Variants in CAMK2D observed in about 807,000 individuals in gnomAD.
The protein encoded by CAMK2D is calcium/calmodulin-dependent protein kinase type II subunit delta.
A neutral mutation model predicts 84.0 loss-of-function variants in CAMK2D; 37 were observed. The ratio of observed to expected loss-of-function variants is 0.44; its 90% CI spans 0.34 to 0.58. The LOEUF (loss-of-function observed/expected upper bound fraction) is 0.58. Among genes scored for constraint, CAMK2D ranks in the 20% least tolerant of loss-of-function variants. The probability of loss-of-function intolerance (pLI) is 0.02; values close to 1 mark genes in which losing one functional copy is unlikely to be tolerated. For missense variants in CAMK2D, 448 were observed against 652.5 expected (o/e 0.69, Z 3.41); for synonymous variants, 202 against 212.5 (o/e 0.95, Z 0.43).
chr4:113,736,362 C>A (rs2107171), intron 2 of CAMK2D, among the ~76,000 whole-genome samples: 11 of 151,902 alleles, frequency 7.2e-5, no homozygotes, highest in Non-Finnish European at 1.6e-4. Context: ...AACTAGTTAA[C>A]CCCAGAAATC....
intron 16 of CAMK2D, among the ~76,000 whole-genome samples, chr4:113,494,826 G>C (rs56131184): frequency 6.6e-6 from 1 of 152,216 alleles, no homozygotes; most frequent in African/African-American, 2.4e-5. Flanking sequence ...AGCCAGGTGC[G>C]GGATATAATC....
intron 16 of CAMK2D, among the ~76,000 whole-genome samples, chr4:113,497,255 C>T (rs1459165881): frequency 6.6e-6 from 1 of 152,020 alleles, no homozygotes; most frequent in African/African-American, 2.4e-5. Context: ...AGCATTTTGA[C>T]TCTGGTGCAT....
At chr4:113,651,924 T>A (rs2099174728) in intron 3 of CAMK2D, among the ~76,000 whole-genome samples, 1 of 152,172 alleles carries the variant, frequency 6.6e-6, no homozygotes, top group African/African-American at 2.4e-5. Context: ...ATACCTATAT[T>A]TTCCATAAGC....
At position 113,761,125 on chromosome 4, in the gene CAMK2D, C is replaced by T. The variant is rs2099640568; in HGVS notation, c.-57G>A. 1 of 1,611,134 alleles carries T rather than the reference C, an allele frequency of 6.2e-7. No homozygotes were observed. Among genetic ancestry groups the T allele is most frequent in the Non-Finnish European group, 8.5e-7 (1 of 1,179,820 alleles). ...GCGACGGACCAGAAGCGAGCAGACGCGCGGCTAACCCCGGGACTGGCCCCG... is the reference window on the plus strand; with the variant it reads ...GCGACGGACCAGAAGCGAGCAGACGTGCGGCTAACCCCGGGACTGGCCCCG... On this transcript the variant is annotated 5_prime_UTR_variant, in exon 1 of 21. Transcript: ENST00000511664.
At chr4:113,533,897 G>T (rs2098473294) in intron 7 of CAMK2D, among the ~76,000 whole-genome samples, 1 of 150,630 alleles carries the variant, frequency 6.6e-6, no homozygotes, top group Non-Finnish European at 1.5e-5. Context: ...CTTGAAAAAT[G>T]ATAATTAAAA....
At chr4:113,569,895 C>T (rs1022814273) in intron 4 of CAMK2D, among the ~76,000 whole-genome samples, 33 of 151,728 alleles carry the variant, frequency 2.2e-4, no homozygotes, top group African/African-American at 1.5e-4. Flanking sequence ...TGAATATAAT[C>T]GAGATGATTA....
intron 6 of CAMK2D, among the ~76,000 whole-genome samples, chr4:113,545,531 A>G (rs2098559466): frequency 6.6e-6 from 1 of 152,212 alleles, no homozygotes; most frequent in Non-Finnish European, 1.5e-5. Context: ...ACATGCTATC[A>G]CAAGCAATAT....
At chr4:113,701,103 GT>G (rs1189017356) in intron 2 of CAMK2D, among the ~76,000 whole-genome samples, 4 of 152,016 alleles carry the variant, frequency 2.6e-5, no homozygotes, top group Non-Finnish European at 4.4e-5. Flanking sequence ...AATCCCATTT[GT>G]CTTTACTAGA....
chr4:113,590,549 A>C (rs935581655), intron 4 of CAMK2D, among the ~76,000 whole-genome samples: 1 of 152,200 alleles, frequency 6.6e-6, no homozygotes, highest in African/African-American at 2.4e-5. Flanking sequence ...GTCTATCACT[A>C]CACGAGAACA....
chr4:113,577,054 AT>A (rs1487299028), intron 4 of CAMK2D, among the ~76,000 whole-genome samples: 2 of 151,978 alleles, frequency 1.3e-5, no homozygotes, highest in Non-Finnish European at 2.9e-5. Flanking sequence ...ATTGATTTGT[AT>A]TTTGTTTTTT....
intron 6 of CAMK2D, among the ~76,000 whole-genome samples, chr4:113,546,812 A>G (rs1209068327): frequency 6.6e-6 from 1 of 152,180 alleles, no homozygotes; most frequent in Non-Finnish European, 1.5e-5. Flanking sequence ...CTGAAATTCC[A>G]CAGGTAAAAC....
intron 4 of CAMK2D, among the ~76,000 whole-genome samples, chr4:113,589,511 T>C (rs2098850187): frequency 6.6e-6 from 1 of 152,084 alleles, no homozygotes. Context: ...TTGAATCTAA[T>C]AGGAGTTGCT....
intron 2 of CAMK2D, among the ~76,000 whole-genome samples, chr4:113,731,298 C>T (rs192765920): frequency 2.0e-5 from 3 of 152,210 alleles, no homozygotes; most frequent in African/African-American, 7.2e-5. Context: ...TTAGCATTCC[C>T]GGGTCTAAAG....
chr4:113,740,679 T>C (rs934056944), intron 2 of CAMK2D, among the ~76,000 whole-genome samples: 1 of 152,154 alleles, frequency 6.6e-6, no homozygotes, highest in African/African-American at 2.4e-5. Flanking sequence ...CTAGATCTAA[T>C]GTAGATCAAT....
rs2098688274 is a variant in CAMK2D, at chr4:113,559,527, A to C, written c.276-7431T>G. Among the ~76,000 whole-genome samples, 3 of 152,244 alleles carry C rather than the reference A, an allele frequency of 2.0e-5. No homozygotes were observed. The South Asian group carries it at 6.2e-4, about 31-fold the overall frequency. On this transcript the variant is annotated intron_variant, in intron 4 of 20. Transcript: ENST00000511664. ...TGAAGAATGTTACTAACTGAGCATC[A>C]TTACCTGATAAGCTACATATTATTA... is the stretch of plus-strand genomic sequence containing the variant.
intron 8 of CAMK2D, among the ~76,000 whole-genome samples, chr4:113,530,466 G>T (rs1323289435): frequency 6.6e-6 from 1 of 152,076 alleles, no homozygotes; most frequent in Non-Finnish European, 1.5e-5. Flanking sequence ...CAGATTTTTT[G>T]ATTAGGGATG....
chr4:113,554,132 C>T (rs2098648556), intron 4 of CAMK2D, among the ~76,000 whole-genome samples: 1 of 151,988 alleles, frequency 6.6e-6, no homozygotes, highest in South Asian at 2.1e-4. Context: ...ATGAAAAATA[C>T]CAGATCCTGG....
chr4:113,537,946 G>A (rs896621155), intron 6 of CAMK2D, among the ~76,000 whole-genome samples: 1 of 152,114 alleles, frequency 6.6e-6, no homozygotes, highest in African/African-American at 2.4e-5. Flanking sequence ...ATTCCTCAAT[G>A]TTTCCAAACA....
chr4:113,522,418 A>T (rs2098372775), intron 8 of CAMK2D, among the ~76,000 whole-genome samples: 1 of 152,214 alleles, frequency 6.6e-6, no homozygotes, highest in South Asian at 2.1e-4. Context: ...ATGGAAAATC[A>T]TCATACATTT....
Sources: allele counts gnomAD v4.1 joint callset (sites outside exome capture counted in the v4.1 genomes callset), GRCh38; gene constraint gnomAD v4.1.1; transcripts MANE v1.5; gene names NCBI Gene and HGNC (gene_info 2026-07-23, HGNC 2026-07-21).